Variants in TRMT11 observed in about 807,000 individuals in gnomAD.
The protein encoded by TRMT11 is tRNA (guanine(10)-N(2))-methyltransferase TRMT11.
In TRMT11, 53 loss-of-function variants were observed where a neutral mutation model predicts 62.8. The ratio of observed to expected loss-of-function variants is 0.84; its 90% CI spans 0.68 to 1.06. The LOEUF (loss-of-function observed/expected upper bound fraction) is 1.06. TRMT11 is among the 50% of genes least tolerant of loss of function. The pLI is 0.00. For synonymous variants in TRMT11, 188 were observed against 190.3 expected, an observed-to-expected ratio of 0.99 and a Z score of 0.10; for missense variants, 556 against 553.4, an observed-to-expected ratio of 1.00 and a Z score of -0.05.
At chr6:126,104,949 AAAT>A (rs1445371578) in intron 17 of TRMT11, among the ~76,000 whole-genome samples, 1 of 152,196 alleles carries the variant, frequency 6.6e-6, no homozygotes, top group African/African-American at 2.4e-5. Flanking sequence ...ATGCCTTTTT[AAAT>A]AATACATGTT....
intron 17 of TRMT11, among the ~76,000 whole-genome samples, chr6:126,087,709 C>G (rs1777230975): frequency 6.6e-6 from 1 of 152,302 alleles, no homozygotes; most frequent in East Asian, 1.9e-4. Context: ...TGCTTTTAAA[C>G]TAGGTAGCCA....
At chr6:126,025,993 C>G (rs1407708293) in intron 12 of TRMT11, among the ~76,000 whole-genome samples, 1 of 152,148 alleles carries the variant, frequency 6.6e-6, no homozygotes, top group Non-Finnish European at 1.5e-5. Flanking sequence ...TTCAGACTTG[C>G]TTATGGCACA....
At chr6:126,069,322 A>T (rs1396664571) in intron 17 of TRMT11, among the ~76,000 whole-genome samples, 2 of 152,258 alleles carry the variant, frequency 1.3e-5, no homozygotes, top group Non-Finnish European at 2.9e-5. Flanking sequence ...AAGGAGACAA[A>T]GCTGTGAACA....
chr6:126,219,132 C>G, the TRMT11 span, among the ~76,000 whole-genome samples: 2 of 152,066 alleles, frequency 1.3e-5, no homozygotes, highest in African/African-American at 4.8e-5. Flanking sequence ...TGTTCAGTGC[C>G]CTTTTCAGTA....
chr6:126,158,126 G>A (rs925791832), intron 21 of TRMT11, among the ~76,000 whole-genome samples: 1 of 152,076 alleles, frequency 6.6e-6, no homozygotes, highest in African/African-American at 2.4e-5. Context: ...GTATGTGTGT[G>A]TATGTTTAGT....
At chr6:126,224,589 T>G in the TRMT11 span, among the ~76,000 whole-genome samples, 1 of 152,162 alleles carries the variant, frequency 6.6e-6, no homozygotes, top group Non-Finnish European at 1.5e-5. Flanking sequence ...AAGTGCTTCA[T>G]CAGGGTGGTG....
intron 2 of TRMT11, among the ~76,000 whole-genome samples, chr6:125,994,635 C>A: frequency 6.6e-6 from 1 of 152,090 alleles, no homozygotes; most frequent in African/African-American, 2.4e-5. Context: ...ATAAGTCATT[C>A]TATTATAAAG....
rs1777923679 is a variant in TRMT11 at position 126,142,160 on chromosome 6, C to T, written c.*1823+26305C>T. On this transcript the variant is annotated intron_variant and NMD_transcript_variant, in intron 21 of 22. Coordinates refer to the TRMT11 transcript ENST00000648977. ...AGGAGATTTTCTGTCTTTTACCTAA[C>T]TCTTCATCCCTGGAGAAGAAGATGT... Among the ~76,000 whole-genome samples the T allele has an allele frequency of 2.6e-5, 4 of 152,034 alleles. 1 individual carries two copies. The South Asian group carries it at 8.3e-4, about 31-fold the overall frequency.
rs116448908 is a variant in TRMT11, at chr6:126,160,359, A to T, written c.*1824-14466A>T. On this transcript the variant is annotated intron_variant and NMD_transcript_variant, in intron 21 of 22. Transcript: ENST00000648977. ...TTTTCACACTTTTTTCCTCACCCAA[A>T]GTGTCTCAGAGTTGTTGCTATTGCT... Among the ~76,000 whole-genome samples, 271 of 152,068 alleles carry T rather than the reference A, an allele frequency of 1.8e-3. 5 individuals carry two copies. The highest frequency in any genetic ancestry group is 6.3e-3 in the African/African-American group (261 of 41,488).
chr6:126,073,714 A>G (rs1397323931), intron 17 of TRMT11, among the ~76,000 whole-genome samples: 1 of 152,140 alleles, frequency 6.6e-6, no homozygotes, highest in Non-Finnish European at 1.5e-5. Flanking sequence ...GTGATTCTTA[A>G]AAGTATGTTA....
At chr6:126,190,929 A>T (rs1778591231) in intron 1 of TRMT11, among the ~76,000 whole-genome samples, 2 of 152,166 alleles carry the variant, frequency 1.3e-5, no homozygotes, top group Non-Finnish European at 2.9e-5. Context: ...TCTTCAACAT[A>T]CTTATTTCCT....
At chr6:126,081,563 C>A (rs1777158491) in intron 17 of TRMT11, among the ~76,000 whole-genome samples, 1 of 152,136 alleles carries the variant, frequency 6.6e-6, no homozygotes, top group African/African-American at 2.4e-5. Context: ...GTTCTGGGGA[C>A]TCAGTGGTCT....
chr6:126,121,714 A>G (rs1335910195), intron 21 of TRMT11, among the ~76,000 whole-genome samples: 1 of 152,124 alleles, frequency 6.6e-6, no homozygotes, highest in Non-Finnish European at 1.5e-5. Flanking sequence ...CTCTATGCTC[A>G]TGAGGACAGA....
chr6:126,167,146 A>G (rs1778277731), intron 21 of TRMT11, among the ~76,000 whole-genome samples: 1 of 151,850 alleles, frequency 6.6e-6, no homozygotes, highest in African/African-American at 2.4e-5. Context: ...CTGGCATTCC[A>G]TACACCACTG....
chr6:126,209,339 T>G, the TRMT11 span, among the ~76,000 whole-genome samples: 3 of 152,142 alleles, frequency 2.0e-5, no homozygotes, highest in Non-Finnish European at 4.4e-5. Flanking sequence ...ACTACAGAGT[T>G]ATGAGTCTAA....
At position 126,066,242 on chromosome 6, in the gene TRMT11, G is replaced by T. The variant is rs557931796; in HGVS notation, c.*1437+13052G>T. ...TCAGAACTCATCCTGTCTGGGCCTGGCTGTGAGTGAATCACAAGTCCAGGC... is the reference window on the plus strand; with the variant it reads ...TCAGAACTCATCCTGTCTGGGCCTGTCTGTGAGTGAATCACAAGTCCAGGC... On this transcript the variant is annotated intron_variant and NMD_transcript_variant, in intron 17 of 22. Coordinates refer to the TRMT11 transcript ENST00000648977. Among the ~76,000 whole-genome samples, 110 of 152,318 alleles carry T rather than the reference G, an allele frequency of 7.2e-4. 4 individuals carry two copies. The South Asian group carries it at 0.022, about 30-fold the overall frequency.
intron 12 of TRMT11, among the ~76,000 whole-genome samples, chr6:126,037,813 T>C (rs1775460832): frequency 6.6e-6 from 1 of 152,094 alleles, no homozygotes; most frequent in African/African-American, 2.4e-5. Context: ...ATATTCCAGA[T>C]ATATTTTTAT....
chr6:126,160,418 C>G lies in TRMT11; in HGVS notation c.*1824-14407C>G, dbSNP rs573241893. ...TTTTCTTTTTCAAAAAATATATTTA[C>G]GTGAAAGAAGAGTCACCATCTTTCT... is the stretch of plus-strand genomic sequence containing the variant. On this transcript the variant is annotated intron_variant and NMD_transcript_variant, in intron 21 of 22. Transcript: ENST00000648977. Among the ~76,000 whole-genome samples, 6 of 151,492 alleles carry G rather than the reference C, an allele frequency of 4.0e-5. No individual in the cohort carries two copies. The East Asian group carries it at 7.8e-4, about 20-fold the overall frequency.
chr6:126,127,822 A>G (rs1198533036), intron 21 of TRMT11, among the ~76,000 whole-genome samples: 2 of 151,912 alleles, frequency 1.3e-5, no homozygotes, highest in African/African-American at 2.4e-5. Flanking sequence ...CTGGACCTCT[A>G]TGCAACTAAG....
Sources: allele counts gnomAD v4.1 joint callset (sites outside exome capture counted in the v4.1 genomes callset), GRCh38; gene constraint gnomAD v4.1.1; transcripts MANE v1.5; gene names NCBI Gene and HGNC (gene_info 2026-07-23, HGNC 2026-07-21).